Variants in TENM2 observed in about 807,000 individuals in gnomAD.
The protein encoded by TENM2 is teneurin transmembrane protein 2, also known as teneurin-2.
TENM2 carries 52 observed loss-of-function variants against 245.2 expected under a neutral mutation model. The observed-to-expected ratio is 0.21, with a 90% CI of 0.17 to 0.27. TENM2 has a LOEUF of 0.27. TENM2 is among the 10% of genes least tolerant of loss of function. The pLI is 1.00. For synonymous variants in TENM2, 1,363 were observed against 1,438.9 expected (o/e 0.95, Z 1.19); for missense variants, 3,046 against 3,666.8 (o/e 0.83, Z 4.37).
intron 2 of TENM2, among the ~76,000 whole-genome samples, chr5:167,626,826 A>G (rs1204225410): frequency 1.3e-5 from 2 of 152,176 alleles, no homozygotes; most frequent in Non-Finnish European, 2.9e-5. Flanking sequence ...ACCAGCCCCA[A>G]CTGACAAGGA....
At chr5:167,734,258 C>T (rs138472611) in intron 2 of TENM2, among the ~76,000 whole-genome samples, 23 of 152,164 alleles carry the variant, frequency 1.5e-4, no homozygotes, top group Admixed American at 1.5e-3. Flanking sequence ...CTTCGTCCCT[C>T]ATCTCATCTT....
chr5:167,233,226 G>A, the TENM2 span, among the ~76,000 whole-genome samples: 3 of 152,152 alleles, frequency 2.0e-5, no homozygotes, highest in Admixed American at 6.5e-5. Context: ...CTAAAAGTCA[G>A]TTTTCTAAAA....
At chr5:167,327,207 G>T (rs1757142054) in intron 1 of TENM2, among the ~76,000 whole-genome samples, 1 of 152,090 alleles carries the variant, frequency 6.6e-6, no homozygotes, top group African/African-American at 2.4e-5. Context: ...CCCGGTGTGT[G>T]ATGTTCCCCT....
At chr5:168,197,204 T>C (rs1032881524) in intron 15 of TENM2, among the ~76,000 whole-genome samples, 1 of 152,268 alleles carries the variant, frequency 6.6e-6, no homozygotes, top group African/African-American at 2.4e-5. Flanking sequence ...ACTATTGTAC[T>C]GTACATGCTC....
At chr5:167,718,386 A>C (rs1321026142) in intron 2 of TENM2, among the ~76,000 whole-genome samples, 1 of 152,028 alleles carries the variant, frequency 6.6e-6, no homozygotes, top group African/African-American at 2.4e-5. Context: ...GCAAGTTACA[A>C]CTTCCCTGTA....
At chr5:167,275,535 C>A in the TENM2 span, among the ~76,000 whole-genome samples, 2 of 151,996 alleles carry the variant, frequency 1.3e-5, no homozygotes, top group South Asian at 4.1e-4. Flanking sequence ...TAATTTCTTT[C>A]ATCAGTGTTG....
intron 7 of TENM2, among the ~76,000 whole-genome samples, chr5:168,085,022 A>G (rs1792324530): frequency 6.6e-6 from 1 of 152,230 alleles, no homozygotes; most frequent in South Asian, 2.1e-4. Flanking sequence ...CAAAATTGTT[A>G]AAACTCATGC....
chr5:168,163,197 A>C lies in TENM2; in HGVS notation c.2569+440A>C, dbSNP rs184690838. 4.0e-3 allele frequency among the ~76,000 whole-genome samples: 609 copies of C among 152,360 alleles called. 1 individual carries two copies. Among genetic ancestry groups the C allele is most frequent in the African/African-American group, 0.014 (586 of 41,582 alleles). On this transcript the variant is annotated intron_variant, in intron 13 of 28. Coordinates refer to ENST00000518659, the Ensembl canonical transcript of TENM2. ...TACAGATGAGGAAACCGAGGCCTGAAGAGTGATTAAGTAACTTTTTCGAGA... is the reference window on the plus strand; with the variant it reads ...TACAGATGAGGAAACCGAGGCCTGACGAGTGATTAAGTAACTTTTTCGAGA...
At chr5:167,466,879 C>A (rs1231543170) in intron 2 of TENM2, among the ~76,000 whole-genome samples, 2 of 152,158 alleles carry the variant, frequency 1.3e-5, no homozygotes, top group Non-Finnish European at 2.9e-5. Context: ...GAGGCTCCAA[C>A]TGCACAGTGA....
chr5:167,592,673 T>C (rs140302145), intron 2 of TENM2, among the ~76,000 whole-genome samples: 38 of 152,320 alleles, frequency 2.5e-4, no homozygotes, highest in African/African-American at 9.1e-4. Context: ...TTTTAAAGAC[T>C]TAAATTTGAA....
At chr5:167,827,959 C>T (rs1174826761) in intron 2 of TENM2, among the ~76,000 whole-genome samples, 2 of 152,164 alleles carry the variant, frequency 1.3e-5, no homozygotes, top group Admixed American at 6.6e-5. Context: ...CTGCCCCACC[C>T]AAATGCCACA....
chr5:167,511,123 G>A (rs1769927399), intron 2 of TENM2, among the ~76,000 whole-genome samples: 3 of 152,082 alleles, frequency 2.0e-5, no homozygotes, highest in African/African-American at 7.2e-5. Context: ...TAAGGAATTA[G>A]CATAAATTCA....
In TENM2 at chr5:167,359,801, C is replaced by T. The variant is rs145820285; in HGVS notation, c.227-15397C>T. ...TTCTGATATGACTAGCCAGTTATCC[C>T]AGCACCATTTACACCATGGAATACT... On this transcript the variant is annotated intron_variant, in intron 1 of 28. Transcript: ENST00000518659. Among the ~76,000 whole-genome samples, 584 of 152,180 alleles carry T rather than the reference C, an allele frequency of 3.8e-3. 1 individual carries two copies. Among genetic ancestry groups the T allele is most frequent in the Admixed American group, 0.011 (165 of 15,274 alleles).
At chr5:167,551,633 C>A (rs1772953022) in intron 2 of TENM2, among the ~76,000 whole-genome samples, 1 of 152,126 alleles carries the variant, frequency 6.6e-6, no homozygotes, top group African/African-American at 2.4e-5. Flanking sequence ...TACACGCACA[C>A]ACACAAAAAT....
intron 2 of TENM2, among the ~76,000 whole-genome samples, chr5:167,399,310 A>T (rs961327374): frequency 2.0e-5 from 3 of 152,200 alleles, no homozygotes; most frequent in Non-Finnish European, 4.4e-5. Flanking sequence ...ATAAGCCAGG[A>T]TGAGCAGAGC....
chr5:167,499,939 A>G (rs1339147565), intron 2 of TENM2, among the ~76,000 whole-genome samples: 1 of 72,414 alleles, frequency 1.4e-5, no homozygotes, highest in Admixed American at 1.4e-4. Context: ...TGTGTATGTG[A>G]GGGTGTGTGT....
intron 3 of TENM2, among the ~76,000 whole-genome samples, chr5:167,920,649 A>C (rs1311548698): frequency 6.6e-6 from 1 of 152,066 alleles, no homozygotes; most frequent in African/African-American, 2.4e-5. Flanking sequence ...ACATTCTCAC[A>C]CCCAGCTCGC....
chr5:168,018,648 G>C (rs1164099638), intron 5 of TENM2, among the ~76,000 whole-genome samples: 1 of 152,096 alleles, frequency 6.6e-6, no homozygotes, highest in South Asian at 2.1e-4. Context: ...TCAGAAAATA[G>C]AGCTAGCCTG....
chr5:167,197,471 T>C, the TENM2 span, among the ~76,000 whole-genome samples: 1 of 152,102 alleles, frequency 6.6e-6, no homozygotes, highest in Non-Finnish European at 1.5e-5. Context: ...AATTGGACTA[T>C]AAGAGCCAAG....
Sources: allele counts gnomAD v4.1 joint callset (sites outside exome capture counted in the v4.1 genomes callset), GRCh38; gene constraint gnomAD v4.1.1; transcripts MANE v1.5; gene names NCBI Gene and HGNC (gene_info 2026-07-23, HGNC 2026-07-21).